The following XAF1 variants were observed in gnomAD, a reference collection of about 807,000 sequenced individuals.
XAF1 encodes the protein XIAP associated factor 1.
In XAF1, 32 loss-of-function variants were observed where a neutral mutation model predicts 32.3. The observed-to-expected ratio is 0.99, with a 90% confidence interval of 0.75 to 1.33. The LOEUF is 1.33. XAF1 is among the 40% of genes most tolerant of loss of function. The probability of loss-of-function intolerance (pLI) is 0.00; values close to 1 mark genes in which losing one functional copy is unlikely to be tolerated. For missense variants in XAF1, 379 were observed against 366.0 expected (o/e 1.04, Z -0.29); for synonymous variants, 120 against 125.9 (o/e 0.95, Z 0.31).
chr17:6,769,282 A>T, intron 5 of XAF1, among the ~76,000 whole-genome samples: 1 of 151,934 alleles, frequency 6.6e-6, no homozygotes, highest in Non-Finnish European at 1.5e-5. Context: ...AAATTTGCCT[A>T]TTTTTGTTCT....
rs867358956 is a variant in XAF1, at chr17:6,773,810, A to G, written c.*641A>G. 1.3e-5 allele frequency: 2 copies of G among 152,196 alleles called. No homozygotes were observed. Among genetic ancestry groups the G allele is most frequent in the East Asian group, 1.9e-4 (1 of 5,202 alleles). The allele number at this position is 152,196 out of a possible 1,614,324, so 9.4% of individuals were successfully genotyped here. On this transcript the variant is annotated 3_prime_UTR_variant, in exon 7 of 7. Coordinates refer to ENST00000361842, the MANE Select transcript of XAF1 (RefSeq NM_017523.5). Reference sequence around the variant, plus strand: ...TGCAATCCTATTCACAATTGCCACAAAAAGAATAAAATACCTAGGAATACA... The same window carrying G: ...TGCAATCCTATTCACAATTGCCACAGAAAGAATAAAATACCTAGGAATACA...
intron 1 of XAF1, 124 bp from the exon 2 acceptor site, chr17:6,757,965 C>T: frequency 7.5e-7 from 1 of 1,326,576 alleles, no homozygotes; most frequent in Non-Finnish European, 1.1e-6. Flanking sequence ...CAGGTGGTGT[C>T]ATCATCATCA....
chr17:6,771,651 A>C (rs1207693673), intron 6 of XAF1: 1 of 152,242 alleles, frequency 6.6e-6, no homozygotes, highest in African/African-American at 2.4e-5. Context: ...GTATACAATT[A>C]GAAGGTGGCA....
At chr17:6,760,768 C>T (rs1488298619) in intron 4 of XAF1, among the ~76,000 whole-genome samples, 167 bp downstream of exon 4, 2 of 152,196 alleles carry the variant, frequency 1.3e-5, no homozygotes, top group South Asian at 2.1e-4. Context: ...TCAGAGTGGC[C>T]TTCCTGTGTG....
At chr17:6,757,405 C>A (rs9903015) in intron 1 of XAF1, 21,429 of 152,152 alleles carry the variant, frequency 0.14, 2,407 homozygotes, top group African/African-American at 0.32. Context: ...CCAGGAAGAA[C>A]CTCGGAGTCT....
chr17:6,760,010 T>C, intron 3 of XAF1: 1 of 548,316 alleles, frequency 1.8e-6, no homozygotes, highest in Non-Finnish European at 3.2e-6. Flanking sequence ...TGGCCCTAAT[T>C]CCCTAGGGAG....
chr17:6,770,200 CA>C, intron 5 of XAF1, among the ~76,000 whole-genome samples: 1 of 152,322 alleles, frequency 6.6e-6, no homozygotes, highest in African/African-American at 2.4e-5. Flanking sequence ...CTGGGAAGTT[CA>C]AGATCAAGGC....
chr17:6,760,744 T>C, intron 4 of XAF1, 143 bp downstream of exon 4: 1 of 918,272 alleles, frequency 1.1e-6, no homozygotes, highest in Non-Finnish European at 1.6e-6. Flanking sequence ...GCTATTCTAA[T>C]TCTAAACCAT....
At chr17:6,772,507 G>T (rs1597760019) in intron 6 of XAF1, among the ~76,000 whole-genome samples, 1 of 114,458 alleles carries the variant, frequency 8.7e-6, no homozygotes, top group Admixed American at 1.4e-4. Context: ...GTCTCGCTCT[G>T]TCACCCAGGC....
intron 1 of XAF1, chr17:6,757,269 CTGG>C (rs1483696143): frequency 1.3e-5 from 2 of 152,386 alleles, no homozygotes; most frequent in African/African-American, 4.8e-5. Context: ...TCCCAAAGTG[CTGG>C]GATTACAGGC....
chr17:6,766,857 T>C (rs1164746139), intron 5 of XAF1, among the ~76,000 whole-genome samples: 1 of 152,222 alleles, frequency 6.6e-6, no homozygotes, highest in Non-Finnish European at 1.5e-5. Context: ...TGCCCCAGGC[T>C]TGATGATTAG....
Position 6,758,124 on chromosome 17 carries a change from A to G in XAF1, c.68A>G (p.His23Arg), listed in dbSNP as rs1231726012. 4 of 1,614,064 alleles carry G rather than the reference A, an allele frequency of 2.5e-6. No individual in the cohort carries two copies. The highest frequency in any genetic ancestry group is 3.4e-6 in the Non-Finnish European group (4 of 1,180,034). ...GTAGTCTCTGCCAACTTCACCCTCCATGAGGCTTACTGCCTGCGGTTCCTG... is the reference window on the plus strand; with the variant it reads ...GTAGTCTCTGCCAACTTCACCCTCCGTGAGGCTTACTGCCTGCGGTTCCTG... ...RHVVSANFTL[H>R]EAYCLRFLVL... is the part of the protein sequence containing the mutation. Residue 23 changes from histidine (H) to arginine (R), a missense_variant, in exon 2 of 7, where the codon CAT (histidine) becomes CGT (arginine). Coordinates refer to ENST00000361842, the MANE Select transcript of XAF1 (RefSeq NM_017523.5).
At chr17:6,771,741 T>C (rs1976049724) in intron 6 of XAF1, 1 of 152,184 alleles carries the variant, frequency 6.6e-6, no homozygotes, top group Non-Finnish European at 1.5e-5. Context: ...ACTTAAAAAA[T>C]TTATTTTTTT....
At chr17:6,759,481 C>G in intron 2 of XAF1, 181 bp from the exon 3 acceptor site, 1 of 1,443,418 alleles carries the variant, frequency 6.9e-7, no homozygotes, top group Non-Finnish European at 9.1e-7. Context: ...CTGACAAACA[C>G]TTCTTGAACA....
chr17:6,757,610 T>C (rs1408737369), intron 1 of XAF1, among the ~76,000 whole-genome samples: 1 of 152,374 alleles, frequency 6.6e-6, no homozygotes, highest in East Asian at 1.9e-4. Context: ...TCTCAAATTA[T>C]TTAAATTGAA....
rs545978773 is a variant in XAF1, at chr17:6,764,585, G to T, written c.507+2345G>T. 3.3e-5 allele frequency among the ~76,000 whole-genome samples: 5 copies of T among 151,948 alleles called. No homozygotes were observed. In the East Asian group the frequency reaches 9.7e-4, roughly 29 times the overall value. ...ACGAAAAGAATTTTTTTTTAATTTT[G>T]AAAATTAAGGATTGAAATCATGTAT... On this transcript the variant is annotated intron_variant, in intron 5 of 6. Coordinates refer to ENST00000361842, the MANE Select transcript of XAF1 (RefSeq NM_017523.5).
chr17:6,756,855 C>T (rs1028713339), intron 1 of XAF1, among the ~76,000 whole-genome samples: 2 of 152,310 alleles, frequency 1.3e-5, no homozygotes, highest in African/African-American at 4.8e-5. Context: ...AGCACGTCCC[C>T]TGTGCCAGGA....
At chr17:6,755,762 C>A, upstream of XAF1, 1 of 1,156,528 alleles carries the variant, frequency 8.6e-7, no homozygotes, top group Non-Finnish European at 1.1e-6. Context: ...GGAGAGAAGC[C>A]AGCCAGCCAG....
At position 6,770,876 on chromosome 17, in the gene XAF1, C is replaced by G. The variant is rs770521172; in HGVS notation, c.741C>G (p.Pro247=). 5.6e-6 allele frequency: 9 copies of G among 1,614,048 alleles called. No homozygotes were observed. In the Admixed American group the frequency reaches 1.5e-4, roughly 27 times the overall value. The change falls in exon 6 of 7, where the codon CCC becomes CCG. Residue 247 remains proline, a synonymous_variant. Coordinates refer to ENST00000361842, the MANE Select transcript of XAF1 (RefSeq NM_017523.5). Reference sequence around the variant, plus strand: ...TGGATCCACTTTTGATGTCAGAGCCCAAGCCCAGGACCAGCTCCCCTAGAG... The same window carrying G: ...TGGATCCACTTTTGATGTCAGAGCCGAAGCCCAGGACCAGCTCCCCTAGAG... ...KTLDPLLMSE[P]KPRTSSPRGD...
Sources: gnomAD v4.1 joint callset for allele counts (sites outside exome capture counted in the v4.1 genomes callset) on GRCh38, gnomAD v4.1.1 for gene constraint, MANE v1.5 for transcripts, NCBI Gene and HGNC (gene_info 2026-07-23, HGNC 2026-07-21) for gene names.